MGST2: variants seen among roughly 807,000 people sequenced by gnomAD.
MGST2 encodes glutathione peroxidase MGST2.
MGST2 carries 9 observed loss-of-function variants against 16.6 expected under a neutral mutation model. The ratio of observed to expected loss-of-function variants is 0.54; its 90% confidence interval spans 0.33 to 0.95. The LOEUF (loss-of-function observed/expected upper bound fraction) is 0.95. Ranked by LOEUF, MGST2 falls within the 40% of genes least tolerant of loss-of-function variation. The pLI is 0.03. For missense variants in MGST2, 159 were observed against 175.1 expected (o/e 0.91, Z 0.52); for synonymous variants, 79 against 68.0 (o/e 1.16, Z -0.79).
intron 1 of MGST2, among the ~76,000 whole-genome samples, chr4:139,674,471 T>G (rs1346859356): frequency 1.3e-5 from 2 of 151,930 alleles, no homozygotes; most frequent in African/African-American, 2.4e-5. Context: ...CTATGTAGTT[T>G]TTTTTTTTTT....
intron 5 of MGST2, among the ~76,000 whole-genome samples, chr4:139,729,878 G>C (rs1294314560): frequency 6.6e-6 from 1 of 152,186 alleles, no homozygotes; most frequent in African/African-American, 2.4e-5. Context: ...TCTTAAGTTT[G>C]CACCCTGTGT....
chr4:139,753,477 G>T, the MGST2 span, among the ~76,000 whole-genome samples: 1 of 152,000 alleles, frequency 6.6e-6, no homozygotes, highest in African/African-American at 2.4e-5. Context: ...AGAAAATCCT[G>T]ACAGAAAAAA....
intron 1 of MGST2, among the ~76,000 whole-genome samples, chr4:139,676,175 C>G (rs934993067): frequency 1.3e-5 from 2 of 152,040 alleles, no homozygotes; most frequent in Non-Finnish European, 2.9e-5. Context: ...TTTTTAAAAT[C>G]CTTGCTTTCA....
At chr4:139,714,014 A>G (rs1727839494) in intron 5 of MGST2, among the ~76,000 whole-genome samples, 3 of 152,192 alleles carry the variant, frequency 2.0e-5, no homozygotes, top group South Asian at 2.1e-4. Context: ...TAAAATTCCT[A>G]TTTCCTGGAA....
At chr4:139,666,573 C>T (rs1730367234) in intron 1 of MGST2, among the ~76,000 whole-genome samples, 1 of 152,158 alleles carries the variant, frequency 6.6e-6, no homozygotes. Context: ...AAACTTCCTT[C>T]AGAAATATTA....
intron 2 of MGST2, among the ~76,000 whole-genome samples, chr4:139,681,460 A>T (rs2602249): frequency 0.31 from 46,691 of 151,908 alleles, 8,179 homozygotes; most frequent in African/African-American, 0.48. Context: ...GGTTTTCATA[A>T]TTTTGGATTT....
chr4:139,693,436 T>C (rs1160043212), intron 2 of MGST2, among the ~76,000 whole-genome samples: 2 of 148,254 alleles, frequency 1.3e-5, no homozygotes, highest in African/African-American at 2.5e-5. Flanking sequence ...AAATTTTCAG[T>C]GAGTGTGGAA....
Position 139,722,054 on chromosome 4 carries a change from A to G in MGST2, c.*48+17858A>G, listed in dbSNP as rs546917862. Among the ~76,000 whole-genome samples the G allele has an allele frequency of 2.0e-5, 3 of 152,330 alleles. No homozygotes were observed. In the East Asian group the frequency reaches 5.8e-4, roughly 29 times the overall value. On this transcript the variant is annotated intron_variant, in intron 5 of 5. Coordinates refer to the MGST2 transcript ENST00000616265. ...TGATGGGCTGCTAGAAATAGATGAA[A>G]GGACATCTATAATTTGGCCATTTTG...
In MGST2 at chr4:139,737,314, AT is replaced by A. The variant is rs200018580; in HGVS notation, c.*49-2886del. On this transcript the variant is annotated intron_variant, in intron 5 of 5. Coordinates refer to the MGST2 transcript ENST00000616265. ...CCTGTATGTTTAACTCATTTTGTTG[AT>A]TTTTTTTTTTTAAGCCCAAATTTCT... 8.5e-3 allele frequency among the ~76,000 whole-genome samples: 1,254 copies of A among 147,562 alleles called. 14 individuals carry two copies. The highest frequency in any genetic ancestry group is 0.026 in the African/African-American group (1,049 of 40,296).
rs1215350222 is a variant in MGST2, at chr4:139,665,978, A to G, written c.-42A>G. 6 of 1,608,088 alleles carry G rather than the reference A, an allele frequency of 3.7e-6. No homozygotes were observed. The East Asian group carries it at 6.7e-5, about 18-fold the overall frequency. On this transcript the variant is annotated 5_prime_UTR_variant, in exon 1 of 5. Transcript: ENST00000265498. ...TCAGCATTCAAAGTCAAGAAGCGCCATTTATCTTCCCGTGCGCTCTACAAA... is the reference window on the plus strand; with the variant it reads ...TCAGCATTCAAAGTCAAGAAGCGCCGTTTATCTTCCCGTGCGCTCTACAAA...
At chr4:139,731,419 G>A in intron 5 of MGST2, 1 of 121,960 alleles carries the variant, frequency 8.2e-6, no homozygotes, top group East Asian at 2.7e-4. Flanking sequence ...CCAAGATGGT[G>A]AAACCCTGTC....
At chr4:139,738,434 T>A (rs777217275) in intron 5 of MGST2, among the ~76,000 whole-genome samples, 1 of 152,104 alleles carries the variant, frequency 6.6e-6, no homozygotes, top group Non-Finnish European at 1.5e-5. Flanking sequence ...TCCCAGTTAC[T>A]CAGGAGGCTG....
chr4:139,699,584 A>G (rs1579326940), intron 3 of MGST2, among the ~76,000 whole-genome samples: 2 of 152,272 alleles, frequency 1.3e-5, no homozygotes, highest in East Asian at 1.9e-4. Flanking sequence ...CAATATATTT[A>G]TGTTTATTTT....
intron 5 of MGST2, chr4:139,717,913 GAAC>G (rs1410741349): frequency 6.6e-6 from 1 of 152,170 alleles, no homozygotes; most frequent in African/African-American, 2.4e-5. Context: ...CAATTGCAGA[GAAC>G]AACTGTACAG....
chr4:139,752,084 T>C, the MGST2 span, among the ~76,000 whole-genome samples: 1 of 152,200 alleles, frequency 6.6e-6, no homozygotes, highest in Non-Finnish European at 1.5e-5. Context: ...GAATTCTAAC[T>C]TTCCTTGCAG....
chr4:139,745,279 G>A (rs946790186), downstream of MGST2, among the ~76,000 whole-genome samples: 16 of 124,352 alleles, frequency 1.3e-4, no homozygotes, highest in African/African-American at 4.2e-4. Context: ...CAGCCGACTC[G>A]ACCACCGTCC....
downstream of MGST2, among the ~76,000 whole-genome samples, chr4:139,745,592 C>T (rs530751628): frequency 4.6e-5 from 7 of 152,120 alleles, no homozygotes; most frequent in Non-Finnish European, 8.8e-5. Flanking sequence ...GTCTGGGATC[C>T]CACCTCCTCC....
chr4:139,691,904 G>A (rs920883769), intron 2 of MGST2, among the ~76,000 whole-genome samples: 2 of 152,098 alleles, frequency 1.3e-5, no homozygotes, highest in African/African-American at 4.8e-5. Flanking sequence ...GTTTCACCGT[G>A]TTAGCCAGGA....
intron 3 of MGST2, chr4:139,698,389 G>A (rs892541499): frequency 4.4e-6 from 7 of 1,598,592 alleles, no homozygotes; most frequent in Non-Finnish European, 6.0e-6. Context: ...GTGGACTTCT[G>A]ATAACGTCTA....
Sources: allele counts gnomAD v4.1 joint callset (sites outside exome capture counted in the v4.1 genomes callset), GRCh38; gene constraint gnomAD v4.1.1; transcripts MANE v1.5; gene names NCBI Gene and HGNC (gene_info 2026-07-23, HGNC 2026-07-21).